Variants in OGG1 observed in about 807,000 individuals in gnomAD.
OGG1 encodes the protein N-glycosylase/DNA lyase.
OGG1 carries 35 observed loss-of-function variants against 42.3 expected under a neutral mutation model. The observed-to-expected ratio is 0.83, with a 90% CI of 0.63 to 1.10. OGG1 has a LOEUF of 1.10. Ranked by LOEUF, OGG1 falls within the 50% of genes least tolerant of loss-of-function variation. The pLI is 0.00. For synonymous variants in OGG1, 189 were observed against 179.0 expected (o/e 1.06, Z -0.44); for missense variants, 484 against 446.7 (o/e 1.08, Z -0.75).
chr3:9,750,100 T>C lies in OGG1; in HGVS notation c.-187T>C. On this transcript the variant is annotated 5_prime_UTR_variant, in exon 1 of 7. Coordinates refer to ENST00000344629, the MANE Select transcript of OGG1 (RefSeq NM_002542.6). The stretch of plus-strand genomic sequence containing the variant: ...AGAATTGGGGCACGAAGCGGGGCTT[T>C]GATGACCCGCAAAGGGCGAGGCATG... 2.7e-6 allele frequency: 2 copies of C among 743,290 alleles called. No individual in the cohort carries two copies. Among genetic ancestry groups the C allele is most frequent in the Non-Finnish European group, 4.3e-6 (2 of 467,288 alleles). The allele number at this position is 743,290 out of a possible 1,614,324, so 46.0% of individuals were successfully genotyped here. A position where few individuals can be genotyped will look rare whatever the true frequency, so the allele number is the denominator to read the frequency against.
chr3:9,790,053 A>T, downstream of OGG1: 1 of 1,445,062 alleles, frequency 6.9e-7, no homozygotes, highest in Non-Finnish European at 9.2e-7. Context: ...TCTAGAATCT[A>T]CAGAGGCTCC....
At chr3:9,774,622 T>C (rs2078342316) in intron 2 of OGG1, among the ~76,000 whole-genome samples, 1 of 151,998 alleles carries the variant, frequency 6.6e-6, no homozygotes, top group East Asian at 1.9e-4. Flanking sequence ...TAATAAATGG[T>C]CAAAGGATAC....
At chr3:9,780,592 CAG>C (rs1240881952) in intron 2 of OGG1, 5 of 1,555,560 alleles carry the variant, frequency 3.2e-6, no homozygotes, top group Non-Finnish European at 4.3e-6. Flanking sequence ...AGCCCACCTC[CAG>C]AGAACAACCC....
downstream of OGG1, chr3:9,767,922 A>C (rs2078200157): frequency 1.6e-6 from 2 of 1,252,996 alleles, no homozygotes; most frequent in African/African-American, 1.5e-5. Flanking sequence ...ACAAACATTC[A>C]TTTGTTTATT....
At chr3:9,754,977 G>T in intron 4 of OGG1, 92 bp downstream of exon 4, 1 of 1,052,988 alleles carries the variant, frequency 9.5e-7, no homozygotes, top group Non-Finnish European at 1.4e-6. Context: ...TGGAGGCTTG[G>T]CTTCCGGAGG....
chr3:9,787,305 C>T, intron 3 of OGG1: 1 of 1,613,902 alleles, frequency 6.2e-7, no homozygotes, highest in Non-Finnish European at 8.5e-7. Flanking sequence ...CCTCCTGGGC[C>T]CAGCGCTGGG....
downstream of OGG1, among the ~76,000 whole-genome samples, chr3:9,769,437 A>G (rs920337258): frequency 6.6e-6 from 1 of 152,048 alleles, no homozygotes; most frequent in Non-Finnish European, 1.5e-5. Context: ...ATACCAGCAC[A>G]CAAAACACGT....
At chr3:9,790,411 T>C (rs1369538712), downstream of OGG1, among the ~76,000 whole-genome samples, 1 of 152,150 alleles carries the variant, frequency 6.6e-6, no homozygotes, top group Non-Finnish European at 1.5e-5. Flanking sequence ...TCCTTTTAGG[T>C]CCAGTTGGCA....
intron 2 of OGG1, chr3:9,781,467 G>C (rs1028503189): frequency 6.7e-6 from 3 of 451,090 alleles, no homozygotes; most frequent in African/African-American, 6.0e-5. Context: ...GGGAGATCTG[G>C]AGCAGGCTGG....
intron 7 of OGG1, chr3:9,763,222 A>T: frequency 6.2e-7 from 1 of 1,613,784 alleles, no homozygotes; most frequent in Non-Finnish European, 8.5e-7. Flanking sequence ...TCCTGAAAGG[A>T]GAAATGAGGT....
intron 2 of OGG1, chr3:9,780,654 T>G: frequency 8.2e-7 from 1 of 1,226,782 alleles, no homozygotes; most frequent in Non-Finnish European, 1.1e-6. Context: ...GGCATGCCTG[T>G]GGATTGTGTC....
At chr3:9,770,061 C>G (rs1460619264), downstream of OGG1, 1 of 152,490 alleles carries the variant, frequency 6.6e-6, no homozygotes, top group East Asian at 1.9e-4. Flanking sequence ...CGCTCCAAGG[C>G]TGGGGAAGGG....
downstream of OGG1, chr3:9,762,201 C>G (rs955481370): frequency 1.8e-5 from 3 of 163,422 alleles, 1 homozygote; most frequent in South Asian, 5.0e-4. Context: ...GCATGTCACA[C>G]CCCAAGTGCC....
At chr3:9,767,024 A>G (rs530036999), downstream of OGG1, among the ~76,000 whole-genome samples, 21 of 152,124 alleles carry the variant, frequency 1.4e-4, no homozygotes, top group African/African-American at 5.1e-4. Flanking sequence ...AAGCTCCATC[A>G]CACTCTACCT....
downstream of OGG1, among the ~76,000 whole-genome samples, chr3:9,768,794 G>A (rs569432065): frequency 6.6e-6 from 1 of 152,276 alleles, no homozygotes; most frequent in Admixed American, 6.5e-5. Context: ...AGGAGAAGGT[G>A]CCCTGACTAG....
At chr3:9,760,578 G>T, downstream of OGG1, 2 of 1,461,358 alleles carry the variant, frequency 1.4e-6, no homozygotes, top group Non-Finnish European at 1.9e-6. Context: ...AAGGAAGGCA[G>T]GAGGGAGACC....
intron 2 of OGG1, among the ~76,000 whole-genome samples, chr3:9,775,196 G>A (rs902932087): frequency 8.6e-5 from 13 of 151,726 alleles, no homozygotes; most frequent in African/African-American, 3.1e-4. Context: ...TTTAGATTAT[G>A]CCACTGCACT....
exon 8 of OGG1, chr3:9,766,700 G>A: frequency 1.1e-6 from 1 of 926,638 alleles, no homozygotes; most frequent in Non-Finnish European, 1.3e-6. Flanking sequence ...ACATCTGTTT[G>A]CTTTCTCTGG....
chr3:9,754,618 TG>T, intron 3 of OGG1, 85 bp from the exon 4 acceptor site: 1 of 1,441,314 alleles, frequency 6.9e-7, no homozygotes, highest in African/African-American at 1.4e-5. Context: ...AAAGCACTCT[TG>T]TGAGGTAGAG....
Sources: gnomAD v4.1 joint callset for allele counts (sites outside exome capture counted in the v4.1 genomes callset) on GRCh38, gnomAD v4.1.1 for gene constraint, MANE v1.5 for transcripts, NCBI Gene and HGNC (gene_info 2026-07-23, HGNC 2026-07-21) for gene names.